CENPF: variants seen among roughly 807,000 people sequenced by gnomAD.
CENPF encodes centromere protein F, also known as AH antigen.
CENPF carries 214 observed loss-of-function variants against 307.3 expected under a neutral mutation model. The observed-to-expected ratio is 0.70, with a 90% CI of 0.62 to 0.78. The LOEUF is 0.78. CENPF is among the 30% of genes least tolerant of loss of function. The pLI is 0.00. For missense variants in CENPF, 3,401 were observed against 3,483.9 expected (o/e 0.98, Z 0.60); for synonymous variants, 1,259 against 1,270.6 (o/e 0.99, Z 0.19).
chr1:214,610,028 T>C (rs1174406185), intron 1 of CENPF, among the ~76,000 whole-genome samples: 1 of 151,834 alleles, frequency 6.6e-6, no homozygotes, highest in African/African-American at 2.4e-5. Context: ...CCTTTTTTTT[T>C]TTTTTTTTTG....
chr1:214,657,291 T>C lies in CENPF; in HGVS notation c.8844T>C (p.Ala2948=). 6.2e-7 allele frequency: 1 copy of C among 1,614,106 alleles called. No homozygotes were observed. Among genetic ancestry groups the C allele is most frequent in the Non-Finnish European group, 8.5e-7 (1 of 1,180,006 alleles). The change falls in exon 18 of 20, where the codon GCT becomes GCC. Residue 2948 remains alanine, a synonymous_variant. Transcript: ENST00000366955. ...IWENGRGPTP[A]TPESFSKKSK... is the part of the protein sequence containing the mutation. ...AGAATGGTAGAGGACCAACACCTGCTACCCCAGAGAGCTTTTCTAAAAAAA... is the reference window on the plus strand; with the variant it reads ...AGAATGGTAGAGGACCAACACCTGCCACCCCAGAGAGCTTTTCTAAAAAAA...
chr1:214,626,211 G>C (rs1367732441), intron 7 of CENPF, among the ~76,000 whole-genome samples: 1 of 152,088 alleles, frequency 6.6e-6, no homozygotes, highest in African/African-American at 2.4e-5. Flanking sequence ...AGGATATTCT[G>C]TTGGGTATAG....
intron 1 of CENPF, among the ~76,000 whole-genome samples, chr1:214,610,519 C>G (rs1038543668): frequency 2.0e-5 from 3 of 149,306 alleles, no homozygotes; most frequent in African/African-American, 7.4e-5. Flanking sequence ...TGTCCTTTGC[C>G]TACTTTTTAA....
chr1:214,655,364 C>T lies in CENPF; in HGVS notation c.8446C>T (p.Leu2816Phe). Residue 2816 changes from leucine (L) to phenylalanine (F), a missense_variant, in exon 17 of 20, where the codon CTC becomes TTC. By Grantham distance (22) the Leu-to-Phe change is conservative. Transcript: ENST00000366955. ...GGAAAAGGAGATACTGCAGAAAGAACTCTCTCAACTTCAAGCTGCACAGGA... is the reference window on the plus strand; with the variant it reads ...GGAAAAGGAGATACTGCAGAAAGAATTCTCTCAACTTCAAGCTGCACAGGA... ...EEEKEILQKE[L>F]SQLQAAQEKQ... The T allele has an allele frequency of 6.2e-7, 1 of 1,607,888 alleles. No homozygotes were observed. The highest frequency in any genetic ancestry group is 8.5e-7 in the Non-Finnish European group (1 of 1,177,518).
intron 3 of CENPF, among the ~76,000 whole-genome samples, chr1:214,615,401 A>G (rs1657309375): frequency 6.6e-6 from 1 of 152,220 alleles, no homozygotes; most frequent in African/African-American, 2.4e-5. Flanking sequence ...CTAGTTACAT[A>G]GCATTATTTG....
At chr1:214,634,850 G>A (rs1657913005) in intron 10 of CENPF, among the ~76,000 whole-genome samples, 1 of 152,192 alleles carries the variant, frequency 6.6e-6, no homozygotes. Context: ...ACGCTTATAG[G>A]TTTTGGATGC....
At chr1:214,607,270 G>T (rs1657061702) in intron 1 of CENPF, among the ~76,000 whole-genome samples, 1 of 152,224 alleles carries the variant, frequency 6.6e-6, no homozygotes, top group South Asian at 2.1e-4. Context: ...GCATGCTCTG[G>T]CCTCCCCCTC....
chr1:214,616,237 A>G (rs1033096574), intron 3 of CENPF, among the ~76,000 whole-genome samples: 1 of 152,224 alleles, frequency 6.6e-6, no homozygotes, highest in Non-Finnish European at 1.5e-5. Context: ...ATAGCAGGGT[A>G]TACTTTTGTT....
chr1:214,616,580 GTATC>G (rs1657343778), intron 3 of CENPF, among the ~76,000 whole-genome samples: 1 of 143,990 alleles, frequency 6.9e-6, no homozygotes, highest in Admixed American at 7.0e-5. Context: ...TGAAATGAGA[GTATC>G]TTGAAAATAG....
In CENPF at chr1:214,645,496, G is replaced by A. The variant is rs1275494472; in HGVS notation, c.5926G>A (p.Ala1976Thr). 2.5e-6 allele frequency: 4 copies of A among 1,614,028 alleles called. No individual in the cohort carries two copies. Among genetic ancestry groups the A allele is most frequent in the East Asian group, 2.2e-5 (1 of 44,872 alleles). The change falls in exon 13 of 20, where the codon GCA becomes ACA. Residue 1976 changes from alanine to threonine, a missense_variant. Ala to Thr is a moderately conservative substitution (Grantham distance 58, BLOSUM62 0). Coordinates refer to ENST00000366955, the MANE Select transcript of CENPF (RefSeq NM_016343.4). ...AGATACTATGTCAAAAAAAACCACGGCACTGGATCAGTTGTCTGAAAAAAT... is the reference window on the plus strand; with the variant it reads ...AGATACTATGTCAAAAAAAACCACGACACTGGATCAGTTGTCTGAAAAAAT... ...ELDTMSKKTT[A>T]LDQLSEKMKE... is the part of the protein sequence containing the mutation.
In CENPF at chr1:214,647,349, A is replaced by G. The variant is rs551228987; in HGVS notation, c.7779A>G (p.Leu2593=). 2.5e-6 allele frequency: 4 copies of G among 1,613,032 alleles called. No individual in the cohort carries two copies. The African/African-American group carries it at 4.0e-5, about 16-fold the overall frequency. Residue 2593 remains leucine, a synonymous_variant, in exon 13 of 20, where the codon CTA becomes CTG. Transcript: ENST00000366955. ...LEVLQSSYKN[L]ENELELTKMD... ...TGCTGCAGAGTTCTTACAAGAATCTAGAGAATGAGCTTGAATTGACAAAAA... is the reference window on the plus strand; with the variant it reads ...TGCTGCAGAGTTCTTACAAGAATCTGGAGAATGAGCTTGAATTGACAAAAA...
At position 214,641,324 on chromosome 1, in the gene CENPF, A is replaced by C. The variant is rs1250477034; in HGVS notation, c.2986A>C (p.Lys996Gln). ...LNQEKMNLIQ[K>Q]SESFANYIDE... Reference sequence around the variant, plus strand: ...TCAAGAGAAGATGAACTTAATCCAGAAAAGTGAGAGTTTTGCAAACTATAT... The same window carrying C: ...TCAAGAGAAGATGAACTTAATCCAGCAAAGTGAGAGTTTTGCAAACTATAT... The change falls in exon 12 of 20, where the codon AAA (lysine) becomes CAA (glutamine). Residue 996 changes from lysine (K) to glutamine (Q), a missense_variant. Transcript: ENST00000366955. 1 of 1,612,658 alleles carries C rather than the reference A, an allele frequency of 6.2e-7. No homozygotes were observed. Among genetic ancestry groups the C allele is most frequent in the South Asian group, 1.1e-5 (1 of 90,548 alleles).
intron 10 of CENPF, among the ~76,000 whole-genome samples, chr1:214,636,077 C>T (rs1207046714): frequency 6.6e-6 from 1 of 152,078 alleles, no homozygotes; most frequent in Non-Finnish European, 1.5e-5. Flanking sequence ...AGTTCCTCTT[C>T]TATGTTGACC....
intron 14 of CENPF, among the ~76,000 whole-genome samples, chr1:214,649,429 A>G (rs575353309): frequency 6.6e-6 from 1 of 152,258 alleles, no homozygotes; most frequent in South Asian, 2.1e-4. Flanking sequence ...TGTTTGTCAT[A>G]CCTGATTAAA....
At chr1:214,656,119 C>T (rs768525009) in intron 17 of CENPF, among the ~76,000 whole-genome samples, 8 of 152,042 alleles carry the variant, frequency 5.3e-5, no homozygotes, top group African/African-American at 1.2e-4. Flanking sequence ...CTAAAGGGAA[C>T]GGGTGAGGGT....
intron 3 of CENPF, among the ~76,000 whole-genome samples, chr1:214,615,627 T>C (rs1437947646): frequency 6.6e-6 from 1 of 152,082 alleles, no homozygotes; most frequent in African/African-American, 2.4e-5. Flanking sequence ...TCTGCAAGGT[T>C]GTGTGATAAT....
intron 10 of CENPF, among the ~76,000 whole-genome samples, chr1:214,635,886 CTTT>C (rs1475045004): frequency 3.3e-5 from 5 of 152,128 alleles, no homozygotes; most frequent in Non-Finnish European, 7.4e-5. Flanking sequence ...TCTCTCTCTT[CTTT>C]TTTCCTTCCT....
At chr1:214,621,854 T>C (rs577638452) in intron 6 of CENPF, among the ~76,000 whole-genome samples, 1 of 152,370 alleles carries the variant, frequency 6.6e-6, no homozygotes, top group Admixed American at 6.5e-5. Context: ...GTTTCTTTGT[T>C]AAAATGTAAG....
In CENPF at chr1:214,657,204, G is replaced by C. The variant is rs1658660077; in HGVS notation, c.8757G>C (p.Lys2919Asn). ...GPSPIPSVTE[K>N]RLSSGQNKAS... is the part of the protein sequence containing the mutation. ...CTCCAATCCCTTCTGTTACTGAAAA[G>C]AGGTTATCATCTGGCCAAAATAAAG... is the stretch of plus-strand genomic sequence containing the variant. The change falls in exon 18 of 20, where the codon AAG (lysine) becomes AAC (asparagine). Residue 2919 changes from lysine (K) to asparagine (N), a missense_variant. By Grantham distance (94) the Lys-to-Asn change is moderately conservative. Transcript: ENST00000366955. 1.2e-6 allele frequency: 2 copies of C among 1,614,150 alleles called. No individual in the cohort carries two copies. The highest frequency in any genetic ancestry group is 4.5e-5 in the East Asian group (2 of 44,880).
Sources: allele counts gnomAD v4.1 joint callset (sites outside exome capture counted in the v4.1 genomes callset), GRCh38; gene constraint gnomAD v4.1.1; transcripts MANE v1.5; gene names NCBI Gene and HGNC (gene_info 2026-07-23, HGNC 2026-07-21).